Variants in CHSY3 observed in about 807,000 individuals in gnomAD.
CHSY3 encodes N-acetylgalactosaminyl-proteoglycan 3-beta-glucuronosyltransferase 3.
Under a neutral mutation model 67.2 loss-of-function variants are expected in CHSY3, and 35 were observed. The observed-to-expected ratio is 0.52, with a 90% CI of 0.40 to 0.69. CHSY3 has a LOEUF of 0.69. CHSY3 is among the 30% of genes least tolerant of loss of function. The pLI is 0.00. For missense variants in CHSY3, 1,069 were observed against 1,138.5 expected, an observed-to-expected ratio of 0.94 and a Z score of 0.88; for synonymous variants, 474 against 434.7, an observed-to-expected ratio of 1.09 and a Z score of -1.12.
intron 2 of CHSY3, among the ~76,000 whole-genome samples, chr5:130,108,360 G>A (rs184391138): frequency 6.6e-6 from 1 of 151,336 alleles, no homozygotes; most frequent in Non-Finnish European, 1.5e-5. Flanking sequence ...TTATATTATT[G>A]TATATATCAC....
chr5:129,905,842 C>A, intron 1 of CHSY3: 1 of 1,091,858 alleles, frequency 9.2e-7, no homozygotes, highest in Non-Finnish European at 1.2e-6. Context: ...CTCCTCACAC[C>A]TGCCTGGCTT....
chr5:130,124,600 C>T (rs1005143358), intron 2 of CHSY3, among the ~76,000 whole-genome samples: 23 of 152,124 alleles, frequency 1.5e-4, no homozygotes, highest in African/African-American at 4.1e-4. Flanking sequence ...AGATTACAGG[C>T]GCCCACCACC....
chr5:130,028,914 T>G (rs1764631799), intron 2 of CHSY3, among the ~76,000 whole-genome samples: 1 of 152,004 alleles, frequency 6.6e-6, no homozygotes, highest in Non-Finnish European at 1.5e-5. Context: ...CCCCCACATC[T>G]GCTTCTCCTA....
intron 2 of CHSY3, among the ~76,000 whole-genome samples, chr5:130,100,969 A>G (rs1227878509): frequency 6.6e-6 from 1 of 152,192 alleles, no homozygotes; most frequent in African/African-American, 2.4e-5. Context: ...ATCAAGTATA[A>G]TAAGTTTCTC....
intron 2 of CHSY3, among the ~76,000 whole-genome samples, chr5:130,097,633 G>T (rs532061157): frequency 6.6e-6 from 1 of 152,154 alleles, no homozygotes; most frequent in Non-Finnish European, 1.5e-5. Flanking sequence ...GTGTAACTAC[G>T]TGTTAAGATG....
chr5:130,010,814 C>T (rs1426571443), intron 2 of CHSY3, among the ~76,000 whole-genome samples: 3 of 151,980 alleles, frequency 2.0e-5, no homozygotes, highest in Non-Finnish European at 2.9e-5. Context: ...CCCACAGAAA[C>T]ACACACAAAA....
At chr5:130,048,888 A>C (rs1765237287) in intron 2 of CHSY3, among the ~76,000 whole-genome samples, 1 of 152,020 alleles carries the variant, frequency 6.6e-6, no homozygotes. Context: ...TTAGACAGGA[A>C]GAATGAATTT....
At chr5:130,071,525 TATA>T (rs1224794558) in intron 2 of CHSY3, among the ~76,000 whole-genome samples, 1 of 145,852 alleles carries the variant, frequency 6.9e-6, no homozygotes, top group Non-Finnish European at 1.5e-5. Context: ...AAGATGACAT[TATA>T]GTAGTTCATT....
intron 2 of CHSY3, among the ~76,000 whole-genome samples, chr5:129,930,423 A>G (rs1282949001): frequency 6.6e-6 from 1 of 150,656 alleles, no homozygotes; most frequent in African/African-American, 2.4e-5. Flanking sequence ...GCCAAGTAAG[A>G]ATATGAGTCA....
intron 2 of CHSY3, among the ~76,000 whole-genome samples, chr5:130,083,846 A>C (rs1196840107): frequency 1.3e-5 from 2 of 151,842 alleles, no homozygotes; most frequent in African/African-American, 4.8e-5. Context: ...TGAGAAGTAT[A>C]CATTTTTTTT....
At chr5:130,020,451 ATATATATATATTT>A (rs1419218926) in intron 2 of CHSY3, among the ~76,000 whole-genome samples, 218 of 13,896 alleles carry the variant, frequency 0.016, 5 homozygotes, top group African/African-American at 0.083. Flanking sequence ...ATATATATAT[ATATATATATATTT>A]TTTTTTTTTT....
At chr5:130,167,288 G>A (rs1168078949) in intron 2 of CHSY3, among the ~76,000 whole-genome samples, 1 of 152,012 alleles carries the variant, frequency 6.6e-6, no homozygotes, top group Non-Finnish European at 1.5e-5. Flanking sequence ...TTTGCTAATT[G>A]GTGTTTATCA....
chr5:130,032,020 G>A (rs573787872), intron 2 of CHSY3, among the ~76,000 whole-genome samples: 18 of 152,184 alleles, frequency 1.2e-4, no homozygotes, highest in African/African-American at 3.6e-4. Flanking sequence ...GTAGGCATTC[G>A]ATGATGAATT....
At chr5:129,982,306 A>AG (rs1439584050) in intron 2 of CHSY3, among the ~76,000 whole-genome samples, 1 of 152,112 alleles carries the variant, frequency 6.6e-6, no homozygotes, top group Non-Finnish European at 1.5e-5. Context: ...CACAAAAAAA[A>AG]CAACCCATCA....
chr5:130,012,866 G>A (rs1291931239), intron 2 of CHSY3, among the ~76,000 whole-genome samples: 1 of 151,968 alleles, frequency 6.6e-6, no homozygotes, highest in Non-Finnish European at 1.5e-5. Flanking sequence ...CCCCCAAAAA[G>A]TCTTAACTCA....
intron 2 of CHSY3, among the ~76,000 whole-genome samples, chr5:130,099,324 C>G (rs1377506363): frequency 6.6e-6 from 1 of 152,242 alleles, no homozygotes; most frequent in Non-Finnish European, 1.5e-5. Flanking sequence ...ATTCTCCAAA[C>G]CTCCTTTGAT....
intron 2 of CHSY3, among the ~76,000 whole-genome samples, chr5:130,137,549 T>C (rs544460826): frequency 2.6e-5 from 4 of 152,298 alleles, no homozygotes; most frequent in East Asian, 1.9e-4. Flanking sequence ...GTCAGAAATG[T>C]TGCACATTAA....
intron 2 of CHSY3, among the ~76,000 whole-genome samples, chr5:130,178,253 A>ATATATTTTT (rs1205782386): frequency 2.6e-4 from 12 of 45,914 alleles, no homozygotes; most frequent in Admixed American, 4.0e-4. Flanking sequence ...ATATATATAT[A>ATATATTTTT]TTTTTTTTTT....
Position 130,182,483 on chromosome 5 carries a change from G to T in CHSY3, c.1087-1746G>T, listed in dbSNP as rs1770278526. On this transcript the variant is annotated intron_variant, in intron 2 of 2. Transcript: ENST00000305031. ...TCCTAATGGTGTTTTTAAAGAACAA[G>T]GTTCTTAACTTTAACATAATGTAAT... Among the ~76,000 whole-genome samples the T allele has an allele frequency of 1.3e-5, 2 of 151,986 alleles. 1 individual carries two copies. Among genetic ancestry groups the T allele is most frequent in the South Asian group, 4.1e-4 (2 of 4,820 alleles).
Sources: allele counts gnomAD v4.1 joint callset (sites outside exome capture counted in the v4.1 genomes callset), GRCh38; gene constraint gnomAD v4.1.1; transcripts MANE v1.5; gene names NCBI Gene and HGNC (gene_info 2026-07-23, HGNC 2026-07-21).